Variants in WWOX observed in about 807,000 individuals in gnomAD.
The protein encoded by WWOX is WW domain containing oxidoreductase, also known as WW domain-containing oxidoreductase.
A neutral mutation model predicts 46.2 loss-of-function variants in WWOX; 69 were observed. The ratio of observed to expected loss-of-function variants is 1.49; its 90% CI spans 1.23 to 1.82. The LOEUF (loss-of-function observed/expected upper bound fraction) is 1.82. Among genes scored for constraint, WWOX ranks in the 40% most tolerant of loss-of-function variants. WWOX has a pLI of 0.00. For missense variants in WWOX, 919 were observed against 542.6 expected, an observed-to-expected ratio of 1.69 and a Z score of -6.89; for synonymous variants, 359 against 202.6, an observed-to-expected ratio of 1.77 and a Z score of -6.56.
chr16:78,700,985 T>C (rs975503392), intron 8 of WWOX, among the ~76,000 whole-genome samples: 1 of 152,088 alleles, frequency 6.6e-6, no homozygotes, highest in Non-Finnish European at 1.5e-5. Context: ...GGAAGTACAA[T>C]GTCCTGGAGC....
intron 8 of WWOX, chr16:78,898,982 A>G (rs1293187740): frequency 6.6e-6 from 1 of 152,106 alleles, no homozygotes; most frequent in East Asian, 1.9e-4. Context: ...CTTAAAATTT[A>G]TTTATTCACC....
intron 8 of WWOX, among the ~76,000 whole-genome samples, chr16:78,574,792 G>A (rs1268336751): frequency 1.3e-5 from 2 of 150,500 alleles, no homozygotes; most frequent in African/African-American, 4.9e-5. Context: ...GGTGGTTGCT[G>A]GGGCTAGGGG....
chr16:78,647,878 T>G (rs923775904), intron 8 of WWOX, among the ~76,000 whole-genome samples: 2 of 151,310 alleles, frequency 1.3e-5, no homozygotes, highest in Non-Finnish European at 3.0e-5. Context: ...TCTCTCTCAC[T>G]CTGAGTATTT....
intron 8 of WWOX, among the ~76,000 whole-genome samples, chr16:78,780,028 C>T (rs1387974493): frequency 6.6e-6 from 1 of 152,130 alleles, no homozygotes; most frequent in Non-Finnish European, 1.5e-5. Context: ...ATGGCAGTAC[C>T]CAGTAGAAGC....
chr16:78,940,199 C>T (rs1039610060), intron 8 of WWOX, among the ~76,000 whole-genome samples: 1 of 152,136 alleles, frequency 6.6e-6, no homozygotes, highest in Non-Finnish European at 1.5e-5. Context: ...GTATTACACA[C>T]ATTATAAATT....
chr16:78,165,160 A>G (rs1212553863), intron 5 of WWOX, among the ~76,000 whole-genome samples: 1 of 152,136 alleles, frequency 6.6e-6, no homozygotes, highest in Non-Finnish European at 1.5e-5. Context: ...AGCGGTGAGG[A>G]AGACATTAGA....
intron 8 of WWOX, among the ~76,000 whole-genome samples, chr16:78,561,121 C>T (rs770549652): frequency 1.3e-5 from 2 of 152,156 alleles, no homozygotes; most frequent in East Asian, 1.9e-4. Flanking sequence ...AAGACTAGGG[C>T]CCCTGTTTCC....
intron 8 of WWOX, among the ~76,000 whole-genome samples, chr16:78,928,218 T>C (rs74377178): frequency 1.3e-5 from 2 of 150,938 alleles, no homozygotes; most frequent in Non-Finnish European, 3.0e-5. Flanking sequence ...TTTTTTTTTT[T>C]TTGAGACGGA....
intron 1 of WWOX, among the ~76,000 whole-genome samples, chr16:78,101,363 T>TTTTTTTTTTTTTTTC (rs1555533361): frequency 7.0e-6 from 1 of 143,422 alleles, no homozygotes; most frequent in South Asian, 2.4e-4. Context: ...TTTTTTTTTT[T>TTTTTTTTTTTTTTTC]AAAGACAGGG....
intron 8 of WWOX, among the ~76,000 whole-genome samples, chr16:79,098,113 C>CTT (rs1232153678): frequency 6.6e-6 from 1 of 152,164 alleles, no homozygotes; most frequent in Non-Finnish European, 1.5e-5. Flanking sequence ...TTGAGACGCT[C>CTT]TTTAGTCCAG....
intron 8 of WWOX, among the ~76,000 whole-genome samples, chr16:78,795,477 A>T (rs954641443): frequency 1.3e-5 from 2 of 149,956 alleles, no homozygotes; most frequent in East Asian, 1.9e-4. Context: ...ATCTAGATGG[A>T]GTGCTCACAA....
At chr16:78,831,635 G>GT (rs1324564288) in intron 8 of WWOX, among the ~76,000 whole-genome samples, 1 of 152,134 alleles carries the variant, frequency 6.6e-6, no homozygotes, top group African/African-American at 2.4e-5. Context: ...CTTTTCTTGA[G>GT]TTTTTTCATC....
intron 5 of WWOX, among the ~76,000 whole-genome samples, chr16:78,303,926 T>C (rs561346455): frequency 1.3e-5 from 2 of 152,352 alleles, no homozygotes; most frequent in East Asian, 3.9e-4. Flanking sequence ...AGCCGTCAGC[T>C]ATTGCTTTTG....
intron 8 of WWOX, among the ~76,000 whole-genome samples, chr16:79,008,281 C>T (rs971172930): frequency 5.3e-5 from 8 of 152,182 alleles, no homozygotes; most frequent in Non-Finnish European, 1.5e-5. Flanking sequence ...CTCCCCCATG[C>T]TCTGAGTCAC....
At chr16:79,174,853 C>G (rs1240831892) in intron 8 of WWOX, among the ~76,000 whole-genome samples, 1 of 152,176 alleles carries the variant, frequency 6.6e-6, no homozygotes, top group Non-Finnish European at 1.5e-5. Flanking sequence ...AATAAAGTAG[C>G]TTCACTTATT....
At chr16:79,050,718 G>C (rs578022502) in intron 8 of WWOX, among the ~76,000 whole-genome samples, 6 of 152,166 alleles carry the variant, frequency 3.9e-5, no homozygotes, top group Non-Finnish European at 7.3e-5. Context: ...GAAATGAATG[G>C]GGCTACATAG....
At chr16:78,821,530 T>G in intron 8 of WWOX, among the ~76,000 whole-genome samples, 1 of 152,198 alleles carries the variant, frequency 6.6e-6, no homozygotes, top group East Asian at 1.9e-4. Flanking sequence ...TGTTTGCAGT[T>G]CCTAGGAAGT....
At chr16:78,387,425 A>G (rs1311071048) in intron 6 of WWOX, among the ~76,000 whole-genome samples, 2 of 151,916 alleles carry the variant, frequency 1.3e-5, no homozygotes, top group African/African-American at 4.8e-5. Context: ...TCCAAAAAAC[A>G]TGGACTCACA....
chr16:79,061,660 G>T (rs1047636324), intron 8 of WWOX, among the ~76,000 whole-genome samples: 1 of 152,178 alleles, frequency 6.6e-6, no homozygotes, highest in Non-Finnish European at 1.5e-5. Flanking sequence ...CAAAGAATGG[G>T]AGGAAAGAAA....
Sources: allele counts gnomAD v4.1 joint callset (sites outside exome capture counted in the v4.1 genomes callset), GRCh38; gene constraint gnomAD v4.1.1; transcripts MANE v1.5; gene names NCBI Gene and HGNC (gene_info 2026-07-23, HGNC 2026-07-21).